SEPTIN9: variants seen among roughly 807,000 people sequenced by gnomAD.
SEPTIN9 encodes the protein septin-9.
SEPTIN9 carries 13 observed loss-of-function variants against 56.6 expected under a neutral mutation model. The ratio of observed to expected loss-of-function variants is 0.23; its 90% CI spans 0.15 to 0.37. SEPTIN9 has a LOEUF of 0.37. Among genes scored for constraint, SEPTIN9 ranks in the 10% least tolerant of loss-of-function variants. The pLI is 1.00. For missense variants in SEPTIN9, 650 were observed against 823.1 expected (o/e 0.79, Z 2.57); for synonymous variants, 332 against 334.1 (o/e 0.99, Z 0.07).
At chr17:77,337,967 T>TG (rs2033608112) in intron 2 of SEPTIN9, among the ~76,000 whole-genome samples, 1 of 152,072 alleles carries the variant, frequency 6.6e-6, no homozygotes, top group Non-Finnish European at 1.5e-5. Context: ...GAGGCCAAGG[T>TG]GGGCGGATCA....
At chr17:77,430,946 G>A (rs1051968300) in intron 3 of SEPTIN9, among the ~76,000 whole-genome samples, 4 of 151,350 alleles carry the variant, frequency 2.6e-5, no homozygotes, top group Admixed American at 2.6e-4. Context: ...AGCCGAGACT[G>A]TGCTACTGCA....
rs1210652247 is a variant in SEPTIN9 at position 77,400,042 on chromosome 17, G to A, written c.77-2017G>A. Among the ~76,000 whole-genome samples, 1 of 152,110 alleles carries A rather than the reference G, an allele frequency of 6.6e-6. No homozygotes were observed. Among genetic ancestry groups the A allele is most frequent in the African/African-American group, 2.4e-5 (1 of 41,418 alleles). ...TCAGTCAGGCTGAGTGCAGTGACAC[G>A]ATCTCAGCTCTGCAACCTCTGCCTC... On this transcript the variant is annotated intron_variant, in intron 2 of 11. Coordinates refer to ENST00000427177, the MANE Select transcript of SEPTIN9 (RefSeq NM_001113491.2). The surrounding 1 kb of genome is among the most constrained non-coding windows in gnomAD (Gnocchi z 4.1).
intron 8 of SEPTIN9, 93 bp downstream of exon 8, chr17:77,490,952 T>C (rs905966157): frequency 1.0e-6 from 1 of 1,003,284 alleles, no homozygotes; most frequent in Non-Finnish European, 1.5e-6. Context: ...GGAGTCACAC[T>C]GTCAGGGAGA....
chr17:77,428,181 C>T (rs1240199315), intron 3 of SEPTIN9, among the ~76,000 whole-genome samples: 1 of 152,178 alleles, frequency 6.6e-6, no homozygotes, highest in African/African-American at 2.4e-5. Flanking sequence ...GACTCCAGGG[C>T]CTTTCCAGGG....
intron 2 of SEPTIN9, among the ~76,000 whole-genome samples, chr17:77,324,361 G>A (rs2033053960): frequency 6.6e-6 from 1 of 152,222 alleles, no homozygotes; most frequent in Admixed American, 6.5e-5. Flanking sequence ...TGCACAGCAT[G>A]GTTCCATGTC....
In SEPTIN9 at chr17:77,497,561, G is replaced by C. The variant is rs143468431; in HGVS notation, c.1625+195G>C. The C allele has an allele frequency of 2.5e-3, 1,566 of 634,518 alleles. 18 individuals carry two copies. In the East Asian group the frequency reaches 0.026, roughly 10 times the overall value. 39.3% of individuals were successfully genotyped at this position (634,518 alleles called of 1,614,324 possible). On this transcript the variant is annotated intron_variant, in intron 11 of 11. Coordinates refer to ENST00000427177, the MANE Select transcript of SEPTIN9 (RefSeq NM_001113491.2). Reference sequence around the variant, plus strand: ...AACCCACTGGGAAATGAAGCAGGCAGTGAAGATCCTTTTCAACCCCTGCGA... The same window carrying C: ...AACCCACTGGGAAATGAAGCAGGCACTGAAGATCCTTTTCAACCCCTGCGA...
At chr17:77,464,601 A>ATTT (rs1022730489) in intron 3 of SEPTIN9, among the ~76,000 whole-genome samples, 7 of 139,924 alleles carry the variant, frequency 5.0e-5, no homozygotes, top group African/African-American at 1.6e-4. Flanking sequence ...TGACACAGAA[A>ATTT]TTTTTTTTTT....
At chr17:77,484,157 T>G (rs1629034) in intron 4 of SEPTIN9, 83,904 of 152,200 alleles carry the variant, frequency 0.55, 24,454 homozygotes, top group African/African-American at 0.75. Flanking sequence ...TGTTCGAGAA[T>G]TTGCAGCAGT....
chr17:77,347,993 A>G lies in SEPTIN9; in HGVS notation c.76+40796A>G, dbSNP rs575868627. 2.0e-5 allele frequency among the ~76,000 whole-genome samples: 3 copies of G among 152,338 alleles called. No individual in the cohort carries two copies. In the East Asian group the frequency reaches 5.8e-4, roughly 29 times the overall value. ...CCACTTATGATGGGTTTGTCAAGAC[A>G]TAACTCCATCATCATTCAAGCAGCA... On this transcript the variant is annotated intron_variant, in intron 2 of 11. Transcript: ENST00000427177.
At chr17:77,348,586 C>T (rs2033962909) in intron 2 of SEPTIN9, among the ~76,000 whole-genome samples, 1 of 152,194 alleles carries the variant, frequency 6.6e-6, no homozygotes, top group Non-Finnish European at 1.5e-5. Context: ...AAGCGTGAGC[C>T]ACTGAGCCCG....
intron 3 of SEPTIN9, among the ~76,000 whole-genome samples, chr17:77,424,552 A>G (rs1473652885): frequency 6.6e-6 from 1 of 152,214 alleles, no homozygotes; most frequent in Non-Finnish European, 1.5e-5. Context: ...CCTTGAGGGT[A>G]GCATGAGGCT....
chr17:77,323,023 G>T lies in SEPTIN9; in HGVS notation c.76+15826G>T, dbSNP rs1279372106. On this transcript the variant is annotated intron_variant, in intron 2 of 11. Coordinates refer to ENST00000427177, the MANE Select transcript of SEPTIN9 (RefSeq NM_001113491.2). This position sits in a 1 kb window ranked among gnomAD's most constrained non-coding sequence, Gnocchi z 6.8. ...AGGCTGCCCTACAGCTGCCCAGGAA[G>T]GGTTTGTGGGAGGGGGTGGTCCTAC... is the stretch of plus-strand genomic sequence containing the variant. The T allele has an allele frequency of 6.6e-6, 1 of 152,540 alleles. No individual in the cohort carries two copies. Among genetic ancestry groups the T allele is most frequent in the African/African-American group, 2.4e-5 (1 of 41,478 alleles). The allele number at this position is 152,540 out of a possible 1,614,324, so 9.4% of individuals were successfully genotyped here. A position where few individuals can be genotyped will look rare whatever the true frequency, so the allele number is the denominator to read the frequency against.
intron 2 of SEPTIN9, among the ~76,000 whole-genome samples, chr17:77,372,349 C>T (rs964821852): frequency 6.6e-6 from 1 of 152,186 alleles, no homozygotes; most frequent in East Asian, 1.9e-4. Context: ...TGTGTCTAAC[C>T]CAGGTCCCCA....
Position 77,311,149 on chromosome 17 carries a change from G to A in SEPTIN9, c.76+3952G>A, listed in dbSNP as rs796292926. ...CCACAGACACACCGGGGAGAGCCAC[G>A]TGAAGGCAGGAGCAGATGATGGAGT... On this transcript the variant is annotated intron_variant, in intron 2 of 11. Coordinates refer to ENST00000427177, the MANE Select transcript of SEPTIN9 (RefSeq NM_001113491.2). Among the ~76,000 whole-genome samples the A allele has an allele frequency of 1.4e-4, 21 of 152,204 alleles. 1 individual carries two copies. The highest frequency in any genetic ancestry group is 4.1e-4 in the African/African-American group (17 of 41,510).
intron 3 of SEPTIN9, among the ~76,000 whole-genome samples, chr17:77,411,342 T>G (rs570517644): frequency 6.6e-6 from 1 of 152,126 alleles, no homozygotes; most frequent in Admixed American, 6.5e-5. Flanking sequence ...TTTTATTTTT[T>G]CCATTTAACA....
At chr17:77,395,072 G>GTT (rs992353776) in intron 2 of SEPTIN9, among the ~76,000 whole-genome samples, 1 of 139,112 alleles carries the variant, frequency 7.2e-6, no homozygotes, top group Non-Finnish European at 1.5e-5. Context: ...GTATGTGTGT[G>GTT]TTTTTTTTTT....
intron 2 of SEPTIN9, among the ~76,000 whole-genome samples, chr17:77,335,659 C>T (rs2033523302): frequency 7.3e-6 from 1 of 136,062 alleles, no homozygotes; most frequent in Non-Finnish European, 1.6e-5. Context: ...TACATATATA[C>T]ATGTAGGCCC....
At position 77,436,726 on chromosome 17, in the gene SEPTIN9, G is replaced by A. The variant is rs922238082; in HGVS notation, c.721+34023G>A. Among the ~76,000 whole-genome samples the A allele has an allele frequency of 3.3e-5, 5 of 152,376 alleles. No individual in the cohort carries two copies. The highest frequency in any genetic ancestry group is 7.2e-5 in the African/African-American group (3 of 41,598). On this transcript the variant is annotated intron_variant, in intron 3 of 11. Transcript: ENST00000427177. The surrounding 1 kb of genome is among the most constrained non-coding windows in gnomAD (Gnocchi z 4.4). ...GCGGAGGTGGGCAAAAGCCGCTTCC[G>A]GGCAGCCAGCCCCCATCCTGGGAGT...
chr17:77,490,946 T>A, intron 8 of SEPTIN9, 87 bp downstream of exon 8: 3 of 1,061,208 alleles, frequency 2.8e-6, no homozygotes, highest in Non-Finnish European at 4.2e-6. Context: ...TCTAAAGGAG[T>A]CACACTGTCA....
Sources: gnomAD v4.1 joint callset for allele counts (sites outside exome capture counted in the v4.1 genomes callset) on GRCh38, gnomAD v4.1.1 for gene constraint, Gnocchi (gnomAD v3.1) non-coding constraint, MANE v1.5 for transcripts, NCBI Gene and HGNC (gene_info 2026-07-23, HGNC 2026-07-21) for gene names.